SRGAP2C: variants seen among roughly 807,000 people sequenced by gnomAD.
SRGAP2C encodes the protein SLIT-ROBO Rho GTPase-activating protein 2C.
A neutral mutation model predicts 25.1 loss-of-function variants in SRGAP2C; 15 were observed. The observed-to-expected ratio is 0.60, with a 90% CI of 0.40 to 0.92. The LOEUF is 0.92. SRGAP2C is among the 40% of genes least tolerant of loss of function. SRGAP2C has a pLI of 0.00. For synonymous variants in SRGAP2C, 44 were observed against 96.6 expected, an observed-to-expected ratio of 0.46 and a Z score of 3.19; for missense variants, 144 against 264.4, an observed-to-expected ratio of 0.54 and a Z score of 3.16.
At chr1:121,385,737 T>C (rs1479088940) in intron 8 of SRGAP2C, among the ~76,000 whole-genome samples, 2 of 139,546 alleles carry the variant, frequency 1.4e-5, no homozygotes, top group Admixed American at 1.4e-4. Flanking sequence ...CTCCCAACTC[T>C]CTCAGCCTTC....
At chr1:121,232,622 A>C (rs1474880862) in intron 2 of SRGAP2C, among the ~76,000 whole-genome samples, 8 of 148,968 alleles carry the variant, frequency 5.4e-5, no homozygotes, top group Non-Finnish European at 7.4e-5. Flanking sequence ...TGCTGCATCT[A>C]GTTTTACTGA....
chr1:121,224,844 A>G (rs1655626934), intron 2 of SRGAP2C, among the ~76,000 whole-genome samples: 1 of 151,628 alleles, frequency 6.6e-6, no homozygotes, highest in Admixed American at 6.6e-5. Context: ...GAAAATAGCA[A>G]GTGAAAAGGA....
At chr1:121,197,984 G>C (rs1290480023) in intron 2 of SRGAP2C, among the ~76,000 whole-genome samples, 1 of 17,016 alleles carries the variant, frequency 5.9e-5, no homozygotes, top group African/African-American at 2.2e-4. Context: ...AAAAGGAACT[G>C]TTTTGTTCCT....
At chr1:121,207,879 A>T (rs1655155379) in intron 2 of SRGAP2C, among the ~76,000 whole-genome samples, 1 of 152,232 alleles carries the variant, frequency 6.6e-6, no homozygotes, top group South Asian at 2.1e-4. Context: ...TCTGTGTAAC[A>T]GAGATTACCC....
intron 2 of SRGAP2C, among the ~76,000 whole-genome samples, chr1:121,261,973 GA>G (rs1455169616): frequency 3.1e-4 from 1 of 3,244 alleles, no homozygotes; most frequent in African/African-American, 1.3e-3. Flanking sequence ...GAAAAATAAT[GA>G]AAAATTGTAA....
intron 3 of SRGAP2C, among the ~76,000 whole-genome samples, chr1:121,304,991 G>T (rs1386163823): frequency 6.6e-6 from 1 of 152,178 alleles, no homozygotes; most frequent in African/African-American, 2.4e-5. Flanking sequence ...CATAGGTTAA[G>T]TCAGGGCTTT....
At chr1:121,369,634 TGGCACTA>T (rs1296536447) in intron 5 of SRGAP2C, among the ~76,000 whole-genome samples, 2 of 142,536 alleles carry the variant, frequency 1.4e-5, no homozygotes, top group African/African-American at 5.2e-5. Flanking sequence ...TATTTGACTC[TGGCACTA>T]GGCACTAGGG....
chr1:121,206,938 A>T (rs1394296520), intron 2 of SRGAP2C, among the ~76,000 whole-genome samples: 1 of 148,170 alleles, frequency 6.7e-6, no homozygotes, highest in African/African-American at 2.5e-5. Context: ...CGATGGTGGC[A>T]ATGGCAGAAA....
chr1:121,208,490 C>T (rs1170740222), intron 2 of SRGAP2C, among the ~76,000 whole-genome samples: 14 of 152,008 alleles, frequency 9.2e-5, no homozygotes, highest in African/African-American at 9.7e-5. Context: ...AGCATGAGTG[C>T]GAGCCTCTGA....
rs1258781336 is a variant in SRGAP2C at position 121,213,635 on chromosome 1, G to A, written c.67+26122G>A. Among the ~76,000 whole-genome samples the A allele has an allele frequency of 7.5e-4, 43 of 57,678 alleles. 7 individuals are homozygous for A. The highest frequency in any genetic ancestry group is 1.1e-3 in the Non-Finnish European group (33 of 31,216). The allele number at this position is 57,678 out of a possible 152,430, so 37.8% of individuals were successfully genotyped here. Reference sequence around the variant, plus strand: ...CCTGGTGTCTGCATTCTGGTCAGGCGGCTGCGTTCAGCGTCTGTGCTCCCG... The same window carrying A: ...CCTGGTGTCTGCATTCTGGTCAGGCAGCTGCGTTCAGCGTCTGTGCTCCCG... On this transcript the variant is annotated intron_variant, in intron 2 of 9. Transcript: ENST00000367123.
At chr1:121,189,090 A>ATTT (rs1654603449) in intron 2 of SRGAP2C, among the ~76,000 whole-genome samples, 1 of 65,896 alleles carries the variant, frequency 1.5e-5, no homozygotes, top group Non-Finnish European at 2.6e-5. Context: ...TTTTAACCAG[A>ATTT]TATGTCTTTT....
intron 2 of SRGAP2C, among the ~76,000 whole-genome samples, chr1:121,266,439 CT>C (rs1394300653): frequency 6.6e-6 from 1 of 151,906 alleles, no homozygotes; most frequent in Non-Finnish European, 1.5e-5. Flanking sequence ...CTCATCACCC[CT>C]AATCATTGTG....
At chr1:121,236,011 A>G (rs1413310792) in intron 2 of SRGAP2C, among the ~76,000 whole-genome samples, 1 of 128,528 alleles carries the variant, frequency 7.8e-6, no homozygotes, top group Non-Finnish European at 1.6e-5. Flanking sequence ...CTTCAAGTTG[A>G]CTCCCATGGC....
chr1:121,361,726 C>T (rs1485259332), intron 4 of SRGAP2C: 1 of 152,356 alleles, frequency 6.6e-6, no homozygotes, highest in Non-Finnish European at 1.5e-5. Flanking sequence ...CCGATAGAAC[C>T]AGAATTGTTA....
chr1:121,357,434 ATCC>A (rs1240346662), intron 4 of SRGAP2C, among the ~76,000 whole-genome samples: 1 of 150,372 alleles, frequency 6.7e-6, no homozygotes, highest in Non-Finnish European at 1.5e-5. Context: ...AGGTAATTGT[ATCC>A]TCCTTATTTT....
chr1:121,315,661 C>A (rs1658081468), intron 3 of SRGAP2C, among the ~76,000 whole-genome samples: 1 of 144,050 alleles, frequency 6.9e-6, no homozygotes, highest in Non-Finnish European at 1.5e-5. Context: ...AGTAGCCACC[C>A]AGAGAGTGAG....
chr1:121,268,100 A>C (rs1213051985), intron 2 of SRGAP2C, among the ~76,000 whole-genome samples: 1 of 145,486 alleles, frequency 6.9e-6, no homozygotes, highest in East Asian at 2.1e-4. Context: ...TGGAACTTAC[A>C]CTCTAGTGGG....
chr1:121,385,347 C>T (rs1659936334), intron 8 of SRGAP2C, among the ~76,000 whole-genome samples: 1 of 100,108 alleles, frequency 1.0e-5, no homozygotes, highest in African/African-American at 4.0e-5. Flanking sequence ...TGACATCAGG[C>T]AGCCAGAGAA....
intron 4 of SRGAP2C, among the ~76,000 whole-genome samples, chr1:121,337,899 GT>G (rs1658555415): frequency 1.1e-5 from 1 of 93,552 alleles, no homozygotes; most frequent in Non-Finnish European, 2.1e-5. Flanking sequence ...TGTTTTACAT[GT>G]ATTAACCTAT....
Sources: allele counts gnomAD v4.1 joint callset (sites outside exome capture counted in the v4.1 genomes callset), GRCh38; gene constraint gnomAD v4.1.1; transcripts MANE v1.5; gene names NCBI Gene and HGNC (gene_info 2026-07-23, HGNC 2026-07-21).